ABCA12: variants seen among roughly 807,000 people sequenced by gnomAD.
ABCA12 encodes glucosylceramide transporter ABCA12.
A neutral mutation model predicts 293.5 loss-of-function variants in ABCA12; 156 were observed. The ratio of observed to expected loss-of-function variants is 0.53; its 90% confidence interval spans 0.47 to 0.61. ABCA12 has a LOEUF of 0.61. ABCA12 is among the 20% of genes least tolerant of loss of function. The probability of loss-of-function intolerance (pLI) is 0.00; values close to 1 mark genes in which losing one functional copy is unlikely to be tolerated. For missense variants in ABCA12, 2,797 were observed against 3,090.2 expected (o/e 0.91, Z 2.25); for synonymous variants, 1,063 against 1,108.0 (o/e 0.96, Z 0.81).
intron 13 of ABCA12, among the ~76,000 whole-genome samples, chr2:215,018,336 G>A (rs529790294): frequency 5.3e-5 from 8 of 152,214 alleles, no homozygotes; most frequent in South Asian, 2.1e-4. Flanking sequence ...TCATAAACCC[G>A]AGGTAACAGA....
At chr2:214,958,624 G>T (rs1699024769) in intron 40 of ABCA12, among the ~76,000 whole-genome samples, 170 bp from the exon 41 acceptor site, 1 of 152,152 alleles carries the variant, frequency 6.6e-6, no homozygotes, top group Non-Finnish European at 1.5e-5. Context: ...ACTCTACCAT[G>T]ACCCTAGAAT....
At position 215,061,302 on chromosome 2, in the gene ABCA12, C is replaced by T. The variant is rs528241214; in HGVS notation, c.317+2764G>A. ...TAAATTTAATAACAGAAGGCTGGTG[C>T]CAGACGCAAAATCACATCAAAACAC... On this transcript the variant is annotated intron_variant, in intron 3 of 52. Transcript: ENST00000272895. 1.9e-4 allele frequency among the ~76,000 whole-genome samples: 29 copies of T among 152,022 alleles called. No individual in the cohort carries two copies. The South Asian group carries it at 3.9e-3, about 21-fold the overall frequency.
At chr2:214,947,357 A>C in intron 48 of ABCA12, 65 bp downstream of exon 48, 9 of 1,602,302 alleles carry the variant, frequency 5.6e-6, no homozygotes, top group Non-Finnish European at 7.7e-6. Context: ...ATGAAATGTT[A>C]ACACATGCAA....
intron 2 of ABCA12, among the ~76,000 whole-genome samples, chr2:215,106,703 T>A (rs904245966): frequency 1.3e-5 from 2 of 150,980 alleles, no homozygotes; most frequent in African/African-American, 4.9e-5. Flanking sequence ...TCATCCCTGT[T>A]ATTACTTGTA....
At chr2:215,022,264 A>C (rs573783810) in intron 11 of ABCA12, 2 of 152,352 alleles carry the variant, frequency 1.3e-5, no homozygotes, top group South Asian at 4.1e-4. Flanking sequence ...AGTTCCATAT[A>C]GTATAGTCTT....
At position 214,978,377 on chromosome 2, in the gene ABCA12, G is replaced by A; in HGVS notation, c.5067C>T (p.Ala1689=). Residue 1689 remains alanine (A), a synonymous_variant, in exon 33 of 53, where the codon GCC becomes GCT. Coordinates refer to ENST00000272895, the MANE Select transcript of ABCA12 (RefSeq NM_173076.3). ...LTQKKIGNSN[A]NGISTPDDLS... ...AATCGTCAGGAGTTGAGATGCCATTGGCATTGGAATTCCCAATTTTCTTTT... is the reference window on the plus strand; with the variant it reads ...AATCGTCAGGAGTTGAGATGCCATTAGCATTGGAATTCCCAATTTTCTTTT... 1 of 1,613,962 alleles carries A rather than the reference G, an allele frequency of 6.2e-7. No individual in the cohort carries two copies. Among genetic ancestry groups the A allele is most frequent in the Non-Finnish European group, 8.5e-7 (1 of 1,179,922 alleles).
intron 15 of ABCA12, among the ~76,000 whole-genome samples, chr2:215,015,274 GAGTT>G (rs68176902): frequency 1 from 151,502 of 152,190 alleles, 75,417 homozygotes; most frequent in East Asian, 1. Context: ...CACAAACCGA[GAGTT>G]AGTAAGGAAT....
intron 36 of ABCA12, among the ~76,000 whole-genome samples, chr2:214,971,664 G>A (rs921984454): frequency 6.6e-6 from 1 of 152,088 alleles, no homozygotes; most frequent in East Asian, 1.9e-4. Context: ...ATGTATGGTG[G>A]TCGATCAATC....
chr2:215,127,752 A>G (rs544120110), intron 1 of ABCA12, among the ~76,000 whole-genome samples: 5 of 152,090 alleles, frequency 3.3e-5, no homozygotes, highest in Non-Finnish European at 5.9e-5. Context: ...CTGTGGTTCT[A>G]TATCTTTTAA....
rs186993650 is a variant in ABCA12, at chr2:214,961,263, A to T, written c.5885-2185T>A. Among the ~76,000 whole-genome samples, 919 of 152,278 alleles carry T rather than the reference A, an allele frequency of 6.0e-3. 10 individuals carry two copies. The highest frequency in any genetic ancestry group is 8.3e-3 in the Non-Finnish European group (561 of 67,986). ...TTTAAGAAAAATTATTAGAGGCTAG[A>T]AGACATACTATTACTAATTTCTATA... On this transcript the variant is annotated intron_variant, in intron 39 of 52. Transcript: ENST00000272895.
chr2:215,061,745 TA>T (rs1351505167), intron 3 of ABCA12, among the ~76,000 whole-genome samples: 2 of 144,886 alleles, frequency 1.4e-5, no homozygotes, highest in Non-Finnish European at 3.1e-5. Context: ...GAGGTAAAAC[TA>T]AAATTAAGTA....
intron 2 of ABCA12, among the ~76,000 whole-genome samples, chr2:215,085,976 G>C (rs1257909885): frequency 6.6e-6 from 1 of 152,180 alleles, no homozygotes; most frequent in Non-Finnish European, 1.5e-5. Flanking sequence ...AGGATCTCTG[G>C]ATTGAAGGCC....
At chr2:215,014,209 A>C (rs1159413637) in intron 15 of ABCA12, among the ~76,000 whole-genome samples, 5 of 151,960 alleles carry the variant, frequency 3.3e-5, no homozygotes, top group Admixed American at 3.3e-4. Context: ...AAAAATGAAA[A>C]TTTAATAAAA....
At chr2:215,068,035 C>T (rs568969631) in intron 2 of ABCA12, among the ~76,000 whole-genome samples, 92 of 152,212 alleles carry the variant, frequency 6.0e-4, no homozygotes, top group African/African-American at 2.1e-3. Context: ...TTTTGATTTT[C>T]CTTTTCCTTT....
chr2:215,046,865 C>A (rs1701213674), intron 6 of ABCA12, among the ~76,000 whole-genome samples: 1 of 149,448 alleles, frequency 6.7e-6, no homozygotes, highest in African/African-American at 2.4e-5. Flanking sequence ...AAATATGACA[C>A]TATACACCAT....
Position 215,019,739 on chromosome 2 carries a change from T to C in ABCA12, c.1345A>G (p.Ile449Val). 6.2e-7 allele frequency: 1 copy of C among 1,614,100 alleles called. No individual in the cohort carries two copies. Among genetic ancestry groups the C allele is most frequent in the Non-Finnish European group, 8.5e-7 (1 of 1,180,016 alleles). Reference sequence around the variant, plus strand: ...TCAGAGAGCTGGCATGACTTCTCTATCAAACTGAAAGTTTCAGATTCACAA... The same window carrying C: ...TCAGAGAGCTGGCATGACTTCTCTACCAAACTGAAAGTTTCAGATTCACAA... ...LLCESETFSL[I>V]EKSCQLSDMS... Residue 449 changes from isoleucine (I) to valine (V), a missense_variant, in exon 12 of 53, where the codon ATA (isoleucine) becomes GTA (valine). Coordinates refer to ENST00000272895, the MANE Select transcript of ABCA12 (RefSeq NM_173076.3).
chr2:215,117,414 T>C (rs1702708998), intron 1 of ABCA12, among the ~76,000 whole-genome samples: 3 of 152,230 alleles, frequency 2.0e-5, no homozygotes, highest in Admixed American at 1.3e-4. Flanking sequence ...AAGCAATTCC[T>C]TGAATTAATC....
intron 15 of ABCA12, chr2:215,013,582 C>T (rs1700422656): frequency 6.5e-6 from 1 of 154,366 alleles, no homozygotes; most frequent in Admixed American, 6.5e-5. Flanking sequence ...GGCATTCCCA[C>T]ATTAACGTGA....
At chr2:215,106,629 T>C (rs192199630) in intron 2 of ABCA12, among the ~76,000 whole-genome samples, 14 of 152,252 alleles carry the variant, frequency 9.2e-5, no homozygotes, top group Non-Finnish European at 1.9e-4. Flanking sequence ...GATGTGAGTA[T>C]TAACTAAGGC....
Sources: allele counts gnomAD v4.1 joint callset (sites outside exome capture counted in the v4.1 genomes callset), GRCh38; gene constraint gnomAD v4.1.1; transcripts MANE v1.5; gene names NCBI Gene and HGNC (gene_info 2026-07-23, HGNC 2026-07-21).